PC: variants seen among roughly 807,000 people sequenced by gnomAD.
PC encodes the protein pyruvate carboxylase, mitochondrial.
Under a neutral mutation model 107.8 loss-of-function variants are expected in PC, and 46 were observed. The observed-to-expected ratio is 0.43, with a 90% CI of 0.34 to 0.55. The LOEUF is 0.55. Among genes scored for constraint, PC ranks in the 20% least tolerant of loss-of-function variants. PC has a pLI of 0.04. For synonymous variants in PC, 662 were observed against 684.7 expected (o/e 0.97, Z 0.52); for missense variants, 1,241 against 1,643.1 (o/e 0.76, Z 4.23).
At chr11:66,890,231 T>C (rs896403754) in intron 3 of PC, among the ~76,000 whole-genome samples, 9 of 152,204 alleles carry the variant, frequency 5.9e-5, no homozygotes, top group African/African-American at 1.9e-4. Context: ...CAGTGATCTA[T>C]GAACCGGGCA....
intron 21 of PC, 86 bp downstream of exon 21, chr11:66,849,525 C>G: frequency 6.2e-7 from 1 of 1,610,068 alleles, no homozygotes; most frequent in South Asian, 1.1e-5. Context: ...CCAAAGCTTG[C>G]GAGGCTGGGT....
intron 3 of PC, among the ~76,000 whole-genome samples, chr11:66,906,527 A>G (rs532283090): frequency 3.0e-4 from 46 of 152,320 alleles, no homozygotes; most frequent in African/African-American, 1.1e-3. Flanking sequence ...GGAGAAAGGC[A>G]TGTTCTTAAC....
In PC at chr11:66,848,905, G is replaced by A. The variant is rs144982348; in HGVS notation, c.3531C>T (p.Ile1177=). ...TLEGDDLILE[I]E is the part of the protein sequence containing the mutation. ...CTGCCGGTCTGGGGCAAGATCACTCGATCTCCAGGATGAGGTCGTCACCTT... is the reference window on the plus strand; with the variant it reads ...CTGCCGGTCTGGGGCAAGATCACTCAATCTCCAGGATGAGGTCGTCACCTT... Residue 1177 remains isoleucine (I), a synonymous_variant, in exon 23 of 23, where the codon ATC becomes ATT. Coordinates refer to ENST00000393960, the MANE Select transcript of PC (RefSeq NM_001040716.2). The A allele has an allele frequency of 6.8e-5, 110 of 1,613,684 alleles. No homozygotes were observed. Among genetic ancestry groups the A allele is most frequent in the Admixed American group, 2.3e-4 (14 of 60,006 alleles).
At chr11:66,938,201 C>T (rs1949044789) in intron 3 of PC, among the ~76,000 whole-genome samples, 1 of 152,140 alleles carries the variant, frequency 6.6e-6, no homozygotes, top group African/African-American at 2.4e-5. Flanking sequence ...TGCCTCATAA[C>T]TTTTTGTTGA....
rs1946506166 is a variant in PC at position 66,866,566 on chromosome 11, C to T, written c.1023-217G>A. 6.6e-6 allele frequency among the ~76,000 whole-genome samples: 1 copy of T among 152,190 alleles called. No individual in the cohort carries two copies. Among genetic ancestry groups the T allele is most frequent in the African/African-American group, 2.4e-5 (1 of 41,460 alleles). ...GGGAGCCGACTAAACTACACAGTGC[C>T]TGGCAGCTGGAGATGGCCCGCTGAA... On this transcript the variant is annotated intron_variant, in intron 10 of 22. Transcript: ENST00000393960. This position sits in a 1 kb window ranked among gnomAD's most constrained non-coding sequence, Gnocchi z 5.4.
rs538806366 is a variant in PC at position 66,885,479 on chromosome 11, ACT to A, written c.1-13322_1-13321del. On this transcript the variant is annotated intron_variant, in intron 3 of 22. Transcript: ENST00000393960. ...GCACTCCAGCCTGGGCAACAGTGAG[ACT>A]CTGTCTAAAAAAAAAAAAAAAAAAA... 1.4e-3 allele frequency among the ~76,000 whole-genome samples: 191 copies of A among 134,218 alleles called. 4 individuals carry two copies. In the East Asian group the frequency reaches 0.031, roughly 22 times the overall value. 88.1% of individuals were successfully genotyped at this position (134,218 alleles called of 152,430 possible).
chr11:66,900,644 A>C (rs1007175853), intron 3 of PC, among the ~76,000 whole-genome samples: 2 of 152,196 alleles, frequency 1.3e-5, no homozygotes, highest in African/African-American at 4.8e-5. Flanking sequence ...ATCATGGGGT[A>C]TCTTTCCATT....
In PC at chr11:66,870,797, C is replaced by A. The variant is rs755610533; in HGVS notation, c.729G>T (p.Arg243=). Reference sequence around the variant, plus strand: ...CACCCAAGATCTGCACCTCGATGTGCCGTGGCTTCTCGATGAACTTCTCCA... The same window carrying A: ...CACCCAAGATCTGCACCTCGATGTGACGTGGCTTCTCGATGAACTTCTCCA... ...LFVEKFIEKP[R]HIEVQILGDQ... Residue 243 remains arginine, a synonymous_variant, in exon 8 of 23, where the codon CGG becomes CGT. Coordinates refer to ENST00000393960, the MANE Select transcript of PC (RefSeq NM_001040716.2). This position sits in a 1 kb window ranked among gnomAD's most constrained non-coding sequence, Gnocchi z 6.1. 1 of 1,613,258 alleles carries A rather than the reference C, an allele frequency of 6.2e-7. No individual in the cohort carries two copies. The highest frequency in any genetic ancestry group is 1.1e-5 in the South Asian group (1 of 91,086).
At chr11:66,851,016 G>T in intron 17 of PC, 24 bp downstream of exon 17, 1 of 1,611,572 alleles carries the variant, frequency 6.2e-7, no homozygotes, top group Non-Finnish European at 8.5e-7. Flanking sequence ...CAGAGAGGGA[G>T]GGACGGACAA....
chr11:66,861,943 G>T (rs545456619), intron 12 of PC, among the ~76,000 whole-genome samples: 2 of 152,280 alleles, frequency 1.3e-5, no homozygotes, highest in African/African-American at 4.8e-5. Context: ...CAAGGTTCTA[G>T]GGCCCAGGGA....
intron 3 of PC, among the ~76,000 whole-genome samples, chr11:66,886,740 A>C (rs1947378953): frequency 6.6e-6 from 1 of 152,172 alleles, no homozygotes; most frequent in Non-Finnish European, 1.5e-5. Context: ...ATGTGGGTAG[A>C]AACAGTGACT....
chr11:66,939,804 CA>C (rs56761659), intron 3 of PC, among the ~76,000 whole-genome samples: 220 of 40,162 alleles, frequency 5.5e-3, no homozygotes, highest in South Asian at 0.01. Context: ...AACTCCGTCT[CA>C]AAAAAAAAAA....
chr11:66,914,920 C>T (rs905706033), intron 3 of PC, among the ~76,000 whole-genome samples: 15 of 152,148 alleles, frequency 9.9e-5, no homozygotes, highest in African/African-American at 3.4e-4. Flanking sequence ...ATCCCAGCTA[C>T]TCCAGAGGCT....
chr11:66,848,778 T>G lies in PC; in HGVS notation c.*121A>C. On this transcript the variant is annotated 3_prime_UTR_variant, in exon 23 of 23. Coordinates refer to ENST00000393960, the MANE Select transcript of PC (RefSeq NM_001040716.2). Reference sequence around the variant, plus strand: ...AGGCGGTGTCTCTCCTGTCCAGCTGTGGACAGGACCTCCACGGCCCGGCCT... The same window carrying G: ...AGGCGGTGTCTCTCCTGTCCAGCTGGGGACAGGACCTCCACGGCCCGGCCT... The G allele has an allele frequency of 8.0e-7, 1 of 1,252,548 alleles. No individual in the cohort carries two copies. The highest frequency in any genetic ancestry group is 1.2e-5 in the South Asian group (1 of 82,414). 77.6% of individuals were successfully genotyped at this position (1,252,548 alleles called of 1,614,324 possible). A position where few individuals can be genotyped will look rare whatever the true frequency, so the allele number is the denominator to read the frequency against.
At position 66,849,623 on chromosome 11, in the gene PC, T is replaced by C. The variant is rs773911025; in HGVS notation, c.3135A>G (p.Ala1045=). ...TRLFLQGPKI[A]EEFEVELERG... is the part of the protein sequence containing the mutation. ...CAGAGCCACTGACCTCAAACTCCTC[T>C]GCGATCTTGGGTCCCTGCAGGAAGA... is the stretch of plus-strand genomic sequence containing the variant. The change falls in exon 21 of 23, where the codon GCA becomes GCG. Residue 1045 remains alanine (A), a synonymous_variant. Coordinates refer to ENST00000393960, the MANE Select transcript of PC (RefSeq NM_001040716.2). 1.2e-6 allele frequency: 2 copies of C among 1,614,194 alleles called. No homozygotes were observed. Among genetic ancestry groups the C allele is most frequent in the South Asian group, 2.2e-5 (2 of 91,086 alleles).
At chr11:66,913,748 T>C (rs764056126) in intron 3 of PC, among the ~76,000 whole-genome samples, 1 of 151,916 alleles carries the variant, frequency 6.6e-6, no homozygotes, top group Non-Finnish European at 1.5e-5. Context: ...AGAACAGCTG[T>C]TGTCCCTGTG....
intron 12 of PC, among the ~76,000 whole-genome samples, chr11:66,856,299 C>G (rs943395709): frequency 2.0e-5 from 3 of 152,236 alleles, no homozygotes; most frequent in Non-Finnish European, 4.4e-5. Context: ...GGAAGCCGCG[C>G]CGCGCAGACC....
At chr11:66,892,522 C>T (rs939815153) in intron 3 of PC, among the ~76,000 whole-genome samples, 2 of 152,126 alleles carry the variant, frequency 1.3e-5, no homozygotes, top group East Asian at 3.8e-4. Context: ...ATAATGAGTG[C>T]GAGCTGCATC....
At chr11:66,936,224 G>A (rs957039953) in intron 3 of PC, among the ~76,000 whole-genome samples, 30 of 151,580 alleles carry the variant, frequency 2.0e-4, no homozygotes, top group African/African-American at 6.3e-4. Flanking sequence ...CTCCAGCCTC[G>A]TGACAGAGCA....
Sources: allele counts gnomAD v4.1 joint callset (sites outside exome capture counted in the v4.1 genomes callset), GRCh38; gene constraint gnomAD v4.1.1; non-coding constraint Gnocchi (gnomAD v3.1); transcripts MANE v1.5; gene names NCBI Gene and HGNC (gene_info 2026-07-23, HGNC 2026-07-21).